The following MTUS2 variants were observed in gnomAD, a reference collection of about 807,000 sequenced individuals.
MTUS2 encodes microtubule-associated tumor suppressor candidate 2.
Under a neutral mutation model 114.1 loss-of-function variants are expected in MTUS2, and 40 were observed. The observed-to-expected ratio is 0.35, with a 90% CI of 0.27 to 0.46. The LOEUF (loss-of-function observed/expected upper bound fraction) is 0.46. MTUS2 is among the 20% of genes least tolerant of loss of function. MTUS2 has a pLI of 1.00. For synonymous variants in MTUS2, 688 were observed against 672.0 expected (o/e 1.02, Z -0.37); for missense variants, 1,679 against 1,705.4 (o/e 0.98, Z 0.27).
chr13:29,390,434 A>G (rs1032592493), intron 8 of MTUS2, among the ~76,000 whole-genome samples: 1 of 151,816 alleles, frequency 6.6e-6, no homozygotes, highest in Non-Finnish European at 1.5e-5. Flanking sequence ...CAGGTGGATC[A>G]CTTGAGGTCA....
intron 5 of MTUS2, among the ~76,000 whole-genome samples, chr13:29,103,037 G>A (rs1302017912): frequency 6.6e-6 from 1 of 152,168 alleles, no homozygotes; most frequent in Non-Finnish European, 1.5e-5. Flanking sequence ...AACAGCCAAT[G>A]TGGTATCAGA....
rs925916658 is a variant in MTUS2 at position 28,832,755 on chromosome 13, A to G, written c.-315-7023A>G. Among the ~76,000 whole-genome samples, 32 of 105,910 alleles carry G rather than the reference A, an allele frequency of 3.0e-4. No homozygotes were observed. In the Admixed American group the frequency reaches 3.5e-3, roughly 11 times the overall value. 69.5% of individuals were successfully genotyped at this position (105,910 alleles called of 152,430 possible). A position where few individuals can be genotyped will look rare whatever the true frequency, so the allele number is the denominator to read the frequency against. On this transcript the variant is annotated intron_variant, in intron 1 of 15. Transcript: ENST00000612955. ...AAGGACTAGAACAGAAGTAAATGAAATAGAGAATAGAAAAACAATAAAATC... is the reference window on the plus strand; with the variant it reads ...AAGGACTAGAACAGAAGTAAATGAAGTAGAGAATAGAAAAACAATAAAATC...
At chr13:29,163,962 C>G (rs1400246983) in intron 5 of MTUS2, among the ~76,000 whole-genome samples, 1 of 152,118 alleles carries the variant, frequency 6.6e-6, no homozygotes, top group Non-Finnish European at 1.5e-5. Context: ...GCTCGAGCGC[C>G]CTTTTGCTAA....
intron 2 of MTUS2, among the ~76,000 whole-genome samples, chr13:28,986,318 G>A (rs1762964585): frequency 6.6e-6 from 1 of 152,140 alleles, no homozygotes; most frequent in Admixed American, 6.5e-5. Context: ...TCATGGAGAG[G>A]TGTTAACAGA....
chr13:28,845,562 G>C (rs1398917013), intron 2 of MTUS2, among the ~76,000 whole-genome samples: 4 of 151,928 alleles, frequency 2.6e-5, no homozygotes, highest in Non-Finnish European at 5.9e-5. Context: ...TTAAGAAATT[G>C]GAAGGAAAAA....
At chr13:29,367,444 G>A (rs1027950303) in intron 8 of MTUS2, among the ~76,000 whole-genome samples, 20 of 152,162 alleles carry the variant, frequency 1.3e-4, no homozygotes, top group African/African-American at 3.1e-4. Flanking sequence ...GGAGGCACTG[G>A]TGGAGGCAGG....
At chr13:29,317,508 G>A (rs1410265406) in intron 6 of MTUS2, among the ~76,000 whole-genome samples, 1 of 12,172 alleles carries the variant, frequency 8.2e-5, no homozygotes, top group African/African-American at 1.7e-4. Flanking sequence ...GCGCAATCTC[G>A]GCTCACTGCA....
chr13:28,910,472 T>A (rs1301370630), intron 2 of MTUS2, among the ~76,000 whole-genome samples: 8 of 152,156 alleles, frequency 5.3e-5, no homozygotes, highest in Admixed American at 5.2e-4. Flanking sequence ...GCCGCGTAGA[T>A]CAACCTATCA....
intron 2 of MTUS2, among the ~76,000 whole-genome samples, chr13:28,877,380 G>T (rs1273537185): frequency 6.6e-6 from 1 of 151,154 alleles, no homozygotes; most frequent in East Asian, 1.9e-4. Flanking sequence ...CGCTATTAAT[G>T]GAATTATTAA....
At position 29,087,566 on chromosome 13, in the gene MTUS2, T is replaced by C. The variant is rs187810598; in HGVS notation, c.2447-13207T>C. ...GGGATATTGGCCTGAAGTTTTCTTT[T>C]TTCATGTGTCTCTGTCAGGTTTTGG... is the stretch of plus-strand genomic sequence containing the variant. On this transcript the variant is annotated intron_variant, in intron 4 of 15. Transcript: ENST00000612955. Among the ~76,000 whole-genome samples the C allele has an allele frequency of 1.2e-3, 182 of 152,320 alleles. 1 individual carries two copies. Among genetic ancestry groups the C allele is most frequent in the Non-Finnish European group, 9.7e-4 (66 of 68,030 alleles).
At chr13:28,999,369 C>G (rs1024109929) in intron 2 of MTUS2, among the ~76,000 whole-genome samples, 2 of 152,304 alleles carry the variant, frequency 1.3e-5, no homozygotes, top group South Asian at 4.1e-4. Flanking sequence ...TCTGCCCATT[C>G]TCAGATCTCA....
rs1442266235 is a variant in MTUS2 at position 29,019,434 on chromosome 13, G to A, written c.-242-5023G>A. ...AGGAACTCTTAGCTTTTCCACGATAGTATGGGAACAAGAATGGATTGCAGA... is the reference window on the plus strand; with the variant it reads ...AGGAACTCTTAGCTTTTCCACGATAATATGGGAACAAGAATGGATTGCAGA... On this transcript the variant is annotated intron_variant, in intron 2 of 15. Transcript: ENST00000612955. Among the ~76,000 whole-genome samples, 3 of 152,216 alleles carry A rather than the reference G, an allele frequency of 2.0e-5. No individual in the cohort carries two copies. The South Asian group carries it at 6.2e-4, about 32-fold the overall frequency.
chr13:29,257,254 G>T (rs184096103), intron 5 of MTUS2, among the ~76,000 whole-genome samples: 44 of 152,224 alleles, frequency 2.9e-4, no homozygotes, highest in African/African-American at 5.1e-4. Flanking sequence ...CGGTGGCTTC[G>T]TGTTGCCTTC....
intron 2 of MTUS2, among the ~76,000 whole-genome samples, chr13:29,010,509 T>C (rs187129244): frequency 9.2e-5 from 14 of 152,250 alleles, no homozygotes; most frequent in African/African-American, 2.9e-4. Context: ...TAACACGTCC[T>C]TGGCCTACAG....
Position 29,055,698 on chromosome 13 carries a change from C to T in MTUS2, c.2446+21573C>T, listed in dbSNP as rs1026194932. On this transcript the variant is annotated intron_variant, in intron 4 of 15. Coordinates refer to ENST00000612955, the MANE Select transcript of MTUS2 (RefSeq NM_001033602.4). ...GTATTCCATATGTATTCCCTTTTCT[C>T]TGCAACCTCACCAGCATCTCTTACT... 1.1e-4 allele frequency among the ~76,000 whole-genome samples: 16 copies of T among 152,158 alleles called. No homozygotes were observed. In the East Asian group the frequency reaches 2.9e-3, roughly 28 times the overall value.
chr13:29,353,345 G>C (rs1420527421), intron 7 of MTUS2, among the ~76,000 whole-genome samples: 1 of 152,032 alleles, frequency 6.6e-6, no homozygotes, highest in East Asian at 1.9e-4. Context: ...AATTTTTTAA[G>C]GATTTTGTAC....
chr13:28,899,130 A>G (rs1342717449), intron 2 of MTUS2, among the ~76,000 whole-genome samples: 1 of 152,232 alleles, frequency 6.6e-6, no homozygotes, highest in Non-Finnish European at 1.5e-5. Flanking sequence ...ATTCACATGC[A>G]GTTGCAAGAA....
intron 10 of MTUS2, among the ~76,000 whole-genome samples, chr13:29,482,546 A>G (rs1881272394): frequency 6.6e-6 from 1 of 152,200 alleles, no homozygotes; most frequent in African/African-American, 2.4e-5. Context: ...CACCTGTGCA[A>G]AGAATATCTA....
At chr13:29,293,171 G>A (rs1464443139) in intron 6 of MTUS2, among the ~76,000 whole-genome samples, 5 of 151,974 alleles carry the variant, frequency 3.3e-5, no homozygotes, top group African/African-American at 1.2e-4. Context: ...ATAGAGTTGA[G>A]GAAGATGATA....
Sources: allele counts gnomAD v4.1 joint callset (sites outside exome capture counted in the v4.1 genomes callset), GRCh38; gene constraint gnomAD v4.1.1; transcripts MANE v1.5; gene names NCBI Gene and HGNC (gene_info 2026-07-23, HGNC 2026-07-21).